The following NTRK3 variants were observed in gnomAD, a reference collection of about 807,000 sequenced individuals.
The protein encoded by NTRK3 is neurotrophic receptor tyrosine kinase 3.
A neutral mutation model predicts 91.7 loss-of-function variants in NTRK3; 24 were observed. The observed-to-expected ratio is 0.26, with a 90% CI of 0.19 to 0.37. The LOEUF (loss-of-function observed/expected upper bound fraction) is 0.37, where lower values mean the gene tolerates loss of function less well. NTRK3 is among the 10% of genes least tolerant of loss of function. The pLI is 1.00. For missense variants in NTRK3, 880 were observed against 1,068.9 expected (o/e 0.82, Z 2.46); for synonymous variants, 483 against 404.0 (o/e 1.20, Z -2.34).
intron 3 of NTRK3, among the ~76,000 whole-genome samples, chr15:88,249,241 C>A (rs191879669): frequency 2.0e-5 from 3 of 152,122 alleles, no homozygotes; most frequent in Non-Finnish European, 2.9e-5. Flanking sequence ...GTTCCCCAGC[C>A]CTGTATGTGA....
chr15:87,880,335 C>T (rs1361200565), exon 18 of NTRK3: 2 of 1,614,028 alleles, frequency 1.2e-6, no homozygotes, highest in Non-Finnish European at 1.7e-6. Flanking sequence ...AGGATCACCC[C>T]GAAGCTCCAT....
intron 13 of NTRK3, among the ~76,000 whole-genome samples, chr15:88,036,958 A>G (rs1596876640): frequency 6.6e-6 from 1 of 152,246 alleles, no homozygotes; most frequent in African/African-American, 2.4e-5. Context: ...CATAAAGTCC[A>G]TAGATAGCAA....
intron 14 of NTRK3, among the ~76,000 whole-genome samples, chr15:87,954,260 T>C (rs868336195): frequency 1.6e-4 from 24 of 152,082 alleles, no homozygotes; most frequent in South Asian, 4.2e-4. Flanking sequence ...ATATGTGAGA[T>C]GAGATGTTTC....
chr15:87,960,010 G>A (rs2072090547), intron 14 of NTRK3, among the ~76,000 whole-genome samples: 1 of 152,242 alleles, frequency 6.6e-6, no homozygotes, highest in Non-Finnish European at 1.5e-5. Flanking sequence ...GTGGGGAGCA[G>A]ACCCCAAATT....
chr15:87,992,888 G>A (rs919347830), intron 14 of NTRK3, among the ~76,000 whole-genome samples: 5 of 152,156 alleles, frequency 3.3e-5, no homozygotes, highest in East Asian at 1.9e-4. Context: ...TGATAGATAC[G>A]GATTTCAGAC....
In NTRK3 at chr15:88,173,458, C is replaced by G. The variant is rs535596118; in HGVS notation, c.395+9960G>C. Among the ~76,000 whole-genome samples the G allele has an allele frequency of 2.6e-5, 4 of 152,322 alleles. No homozygotes were observed. The South Asian group carries it at 8.3e-4, about 32-fold the overall frequency. Reference sequence around the variant, plus strand: ...AAATAGAAATCTGCCACTCCTGCATCGACATATCACAGCATGATTCATCTC... The same window carrying G: ...AAATAGAAATCTGCCACTCCTGCATGGACATATCACAGCATGATTCATCTC... On this transcript the variant is annotated intron_variant, in intron 5 of 18. Transcript: ENST00000394480.
At chr15:88,134,617 C>G (rs1191649396) in intron 10 of NTRK3, among the ~76,000 whole-genome samples, 2 of 152,232 alleles carry the variant, frequency 1.3e-5, no homozygotes, top group Non-Finnish European at 2.9e-5. Context: ...GACACACTCT[C>G]AAGTCCTTTG....
intron 16 of NTRK3, among the ~76,000 whole-genome samples, chr15:87,931,867 C>A (rs2068827037): frequency 6.6e-6 from 1 of 152,166 alleles, no homozygotes; most frequent in South Asian, 2.1e-4. Context: ...TGGGCTAGAG[C>A]CTTCTATAAT....
exon 19 of NTRK3, chr15:87,871,030 T>C: frequency 4.3e-6 from 1 of 230,350 alleles, no homozygotes. Context: ...ACTGCAAATG[T>C]CAAACTGGGT....
intron 14 of NTRK3, among the ~76,000 whole-genome samples, chr15:87,974,757 C>T (rs749361381): frequency 3.3e-5 from 5 of 152,306 alleles, no homozygotes; most frequent in East Asian, 1.9e-4. Flanking sequence ...GAGGAAAGAA[C>T]GTTGCAGATG....
chr15:88,065,079 C>T (rs1567323991), intron 13 of NTRK3, among the ~76,000 whole-genome samples: 1 of 152,110 alleles, frequency 6.6e-6, no homozygotes, highest in Non-Finnish European at 1.5e-5. Context: ...CAGTATGGCT[C>T]AGTAGTGTTC....
chr15:88,216,950 A>G (rs1303438231), intron 3 of NTRK3, among the ~76,000 whole-genome samples: 1 of 152,216 alleles, frequency 6.6e-6, no homozygotes, highest in East Asian at 1.9e-4. Flanking sequence ...AACTGAACTC[A>G]GTGGTTTGAA....
At chr15:87,935,712 T>G (rs1303851035) in intron 15 of NTRK3, among the ~76,000 whole-genome samples, 1 of 152,214 alleles carries the variant, frequency 6.6e-6, no homozygotes, top group East Asian at 1.9e-4. Flanking sequence ...TCTCTTTAAA[T>G]CATTCTCTCC....
chr15:87,974,209 T>TGTGGCTGCTGGGAGC (rs372574181), intron 14 of NTRK3, among the ~76,000 whole-genome samples: 2,791 of 152,130 alleles, frequency 0.018, 86 homozygotes, highest in African/African-American at 0.064. Context: ...GAGGTGAGGA[T>TGTGGCTGCTGGGAGC]GTGGCTGCTG....
At chr15:87,876,223 G>C (rs2064944356) in exon 19 of NTRK3, 1 of 233,028 alleles carries the variant, frequency 4.3e-6, no homozygotes. Context: ...TTGTGTTGTG[G>C]GGTTGTCTGT....
At chr15:88,162,688 C>T (rs1001237695) in intron 5 of NTRK3, among the ~76,000 whole-genome samples, 7 of 152,314 alleles carry the variant, frequency 4.6e-5, no homozygotes, top group Admixed American at 3.9e-4. Flanking sequence ...TAATTAATAT[C>T]ATCAGGATAG....
intron 13 of NTRK3, among the ~76,000 whole-genome samples, chr15:88,061,525 AGAGCAG>A (rs1041104608): frequency 6.6e-6 from 1 of 152,264 alleles, no homozygotes; most frequent in Admixed American, 6.5e-5. Context: ...GAAGCGGCAC[AGAGCAG>A]GAGCAGGAGC....
chr15:88,051,932 G>A (rs2080866023), intron 13 of NTRK3, among the ~76,000 whole-genome samples: 1 of 152,168 alleles, frequency 6.6e-6, no homozygotes, highest in Admixed American at 6.5e-5. Flanking sequence ...CAAAGCAAGA[G>A]GACTTAATAA....
chr15:88,104,769 A>G (rs1362520936), intron 13 of NTRK3, among the ~76,000 whole-genome samples: 1 of 152,192 alleles, frequency 6.6e-6, no homozygotes, highest in Non-Finnish European at 1.5e-5. Flanking sequence ...AGGCATTCCT[A>G]AACATCTCAT....
Sources: gnomAD v4.1 joint callset for allele counts (sites outside exome capture counted in the v4.1 genomes callset) on GRCh38, gnomAD v4.1.1 for gene constraint, MANE v1.5 for transcripts, NCBI Gene and HGNC (gene_info 2026-07-23, HGNC 2026-07-21) for gene names.